Variants in SMG7 observed in about 807,000 individuals in gnomAD.
SMG7 encodes the protein SMG7 nonsense mediated mRNA decay factor.
In SMG7, 34 loss-of-function variants were observed where a neutral mutation model predicts 148.2. The ratio of observed to expected loss-of-function variants is 0.23; its 90% CI spans 0.17 to 0.31. SMG7 has a LOEUF of 0.31. Ranked by LOEUF, SMG7 falls within the 10% of genes least tolerant of loss-of-function variation. The probability of loss-of-function intolerance (pLI) is 1.00; values close to 1 mark genes in which losing one functional copy is unlikely to be tolerated. For synonymous variants in SMG7, 492 were observed against 515.1 expected, an observed-to-expected ratio of 0.96 and a Z score of 0.61; for missense variants, 1,114 against 1,408.4, an observed-to-expected ratio of 0.79 and a Z score of 3.35.
At position 183,545,117 on chromosome 1, in the gene SMG7, A is replaced by T; in HGVS notation, c.2175A>T (p.Gly725=). 6.2e-7 allele frequency: 1 copy of T among 1,613,974 alleles called. No individual in the cohort carries two copies. Among genetic ancestry groups the T allele is most frequent in the African/African-American group, 1.3e-5 (1 of 75,012 alleles). Reference sequence around the variant, plus strand: ...CTTACAGCCAGCAACGGCCCTCTGGACCAGGGCCAATGAACCAGGGACCTC... The same window carrying T: ...CTTACAGCCAGCAACGGCCCTCTGGTCCAGGGCCAATGAACCAGGGACCTC... The part of the protein sequence containing the change: ...HIPYSQQRPS[G]PGPMNQGPQQ... The change falls in exon 16 of 23, where the codon GGA becomes GGT. Residue 725 remains glycine (G), a synonymous_variant. Coordinates refer to ENST00000688051, the MANE Select transcript of SMG7 (RefSeq NM_001375584.1).
chr1:183,486,883 C>G (rs991141892), intron 1 of SMG7, among the ~76,000 whole-genome samples: 1 of 152,102 alleles, frequency 6.6e-6, no homozygotes, highest in Admixed American at 6.6e-5. Flanking sequence ...TTTTTTTCTT[C>G]GTAGAGATGG....
At chr1:183,491,815 G>A (rs1657102504) in intron 1 of SMG7, among the ~76,000 whole-genome samples, 1 of 152,240 alleles carries the variant, frequency 6.6e-6, no homozygotes, top group Non-Finnish European at 1.5e-5. Flanking sequence ...GGGAAGTCCA[G>A]TATTAAGGTG....
intron 1 of SMG7, among the ~76,000 whole-genome samples, chr1:183,495,658 C>T (rs373329444): frequency 1.3e-5 from 2 of 152,136 alleles, no homozygotes; most frequent in East Asian, 3.9e-4. Context: ...ATCATGAGGT[C>T]AGGAGTTCGA....
chr1:183,492,058 G>A (rs1203613406), intron 1 of SMG7, among the ~76,000 whole-genome samples: 5 of 152,214 alleles, frequency 3.3e-5, no homozygotes, highest in Non-Finnish European at 5.9e-5. Flanking sequence ...TAATACTGTT[G>A]TGTTGGGGAT....
intron 4 of SMG7, among the ~76,000 whole-genome samples, chr1:183,523,469 C>T (rs755221490): frequency 7.9e-5 from 12 of 152,190 alleles, no homozygotes; most frequent in Non-Finnish European, 1.5e-4. Context: ...TATTCAGCTA[C>T]AGCCTTAGGA....
chr1:183,546,180 C>T lies in SMG7; in HGVS notation c.2585C>T (p.Ser862Leu). The change falls in exon 17 of 23, where the codon TCA (serine) becomes TTA (leucine). Residue 862 changes from serine (S) to leucine (L), a missense_variant. Transcript: ENST00000688051. ...FPMEPYNHNP[S>L]EVKVPEFYWD... ...ATGGAGCCATATAACCATAATCCCT[C>T]AGAAGTCAAGGTCCCAGAATTCTAC... is the stretch of plus-strand genomic sequence containing the variant. The T allele has an allele frequency of 1.2e-6, 2 of 1,614,044 alleles. No homozygotes were observed. Among genetic ancestry groups the T allele is most frequent in the South Asian group, 1.1e-5 (1 of 91,076 alleles).
intron 8 of SMG7, among the ~76,000 whole-genome samples, chr1:183,530,751 A>G (rs1240689879): frequency 6.6e-6 from 1 of 152,148 alleles, no homozygotes; most frequent in African/African-American, 2.4e-5. Context: ...ATTGACAGCC[A>G]TCTTTCTTGG....
chr1:183,546,818 A>G (rs1670000469), intron 17 of SMG7, among the ~76,000 whole-genome samples: 1 of 152,230 alleles, frequency 6.6e-6, no homozygotes, highest in Non-Finnish European at 1.5e-5. Context: ...AGCACAAGAT[A>G]TGCTAATCAT....
At chr1:183,506,338 C>T (rs879026713) in intron 1 of SMG7, among the ~76,000 whole-genome samples, 5 of 152,032 alleles carry the variant, frequency 3.3e-5, no homozygotes, top group Non-Finnish European at 2.9e-5. Context: ...TTTTTATTAA[C>T]GTGTGCAAGA....
Position 183,554,087 on chromosome 1 carries a change from TTTTTG to T in SMG7, c.*2166_*2170del, listed in dbSNP as rs1671499199. The T allele has an allele frequency of 6.6e-6, 1 of 152,618 alleles. No homozygotes were observed. The highest frequency in any genetic ancestry group is 6.5e-5 in the Admixed American group (1 of 15,268). 9.5% of individuals were successfully genotyped at this position (152,618 alleles called of 1,614,324 possible). Reference sequence around the variant, plus strand: ...TGTGTAGTAAACTTTCTTTTGTGGTTTTTTGTTTTGTTTTCTGGGTTTTGTTTTTT... The same window carrying T: ...TGTGTAGTAAACTTTCTTTTGTGGTTTTTTGTTTTCTGGGTTTTGTTTTTT... On this transcript the variant is annotated 3_prime_UTR_variant, in exon 23 of 23. Coordinates refer to ENST00000688051, the MANE Select transcript of SMG7 (RefSeq NM_001375584.1).
chr1:183,497,852 G>C (rs1241008044), intron 1 of SMG7, among the ~76,000 whole-genome samples: 2 of 152,158 alleles, frequency 1.3e-5, no homozygotes, highest in Non-Finnish European at 2.9e-5. Flanking sequence ...TTACAGGCGT[G>C]AGCCACTGCA....
In SMG7 at chr1:183,550,705, T is replaced by C. The variant is rs1464210968; in HGVS notation, c.3134-46T>C. ...AGGAACCTGTAGTTCTTTGTATGTT[T>C]GTGAAACAATGATTTACTATATCCT... On this transcript the variant is annotated intron_variant, in intron 20 of 22. Transcript: ENST00000688051. 5.7e-6 allele frequency: 9 copies of C among 1,583,636 alleles called. No homozygotes were observed. The African/African-American group carries it at 6.7e-5, about 12-fold the overall frequency.
Position 183,553,075 on chromosome 1 carries a change from G to T in SMG7, c.*1144G>T. ...TAGCCCACAGAGGGCCCAGGCCCCT[G>T]CCCAGCTGCAGTCTCCCAGCCTCCA... On this transcript the variant is annotated 3_prime_UTR_variant, in exon 23 of 23. Transcript: ENST00000688051. 1 of 1,536,238 alleles carries T rather than the reference G, an allele frequency of 6.5e-7. No individual in the cohort carries two copies. The highest frequency in any genetic ancestry group is 1.2e-5 in the South Asian group (1 of 84,070).
intron 1 of SMG7, among the ~76,000 whole-genome samples, chr1:183,473,536 G>A (rs1310430318): frequency 6.6e-6 from 1 of 152,104 alleles, no homozygotes; most frequent in East Asian, 1.9e-4. Context: ...TTGAATGGAA[G>A]GACACCAGCT....
chr1:183,487,463 A>G (rs1055924321), intron 1 of SMG7, among the ~76,000 whole-genome samples: 2 of 152,234 alleles, frequency 1.3e-5, no homozygotes, highest in African/African-American at 4.8e-5. Context: ...TGTTGTAGAT[A>G]AAATTCAAGG....
chr1:183,547,536 A>G (rs1384225323), intron 18 of SMG7, among the ~76,000 whole-genome samples: 3 of 152,236 alleles, frequency 2.0e-5, no homozygotes, highest in African/African-American at 7.2e-5. Flanking sequence ...GATGGTGACA[A>G]ATTAACTCAC....
At chr1:183,507,736 A>G (rs1029061371) in intron 1 of SMG7, among the ~76,000 whole-genome samples, 1 of 152,194 alleles carries the variant, frequency 6.6e-6, no homozygotes, top group African/African-American at 2.4e-5. Flanking sequence ...AGTATAGTAT[A>G]TAGTACTGAG....
chr1:183,547,227 C>T lies in SMG7; in HGVS notation c.2867C>T (p.Ala956Val), dbSNP rs1670078469. ...DLYPALLGPL[A>V]SLPGRSLFKS... ...TACCCGGCTCTGCTGGGGCCTCTCGCCTCTCTTCCTGGACGAAGCCTTTTT... is the reference window on the plus strand; with the variant it reads ...TACCCGGCTCTGCTGGGGCCTCTCGTCTCTCTTCCTGGACGAAGCCTTTTT... The change falls in exon 18 of 23, where the codon GCC (alanine) becomes GTC (valine). Residue 956 changes from alanine (A) to valine (V), a missense_variant. Physicochemically the swap from Ala to Val is moderately conservative, Grantham distance 64. Transcript: ENST00000688051. 3 of 1,550,176 alleles carry T rather than the reference C, an allele frequency of 1.9e-6. No homozygotes were observed. The highest frequency in any genetic ancestry group is 2.0e-5 in the Admixed American group (1 of 50,940).
intron 1 of SMG7, chr1:183,508,169 A>G (rs1661344977): frequency 2.1e-6 from 2 of 960,622 alleles, no homozygotes; most frequent in Non-Finnish European, 2.5e-6. Flanking sequence ...TAACAAAACC[A>G]TAGAACAATT....
Sources: gnomAD v4.1 joint callset for allele counts (sites outside exome capture counted in the v4.1 genomes callset) on GRCh38, gnomAD v4.1.1 for gene constraint, MANE v1.5 for transcripts, NCBI Gene and HGNC (gene_info 2026-07-23, HGNC 2026-07-21) for gene names.